Variants in MTF1 observed in about 807,000 individuals in gnomAD.
MTF1 encodes metal regulatory transcription factor 1, also known as MRE-binding transcription factor.
MTF1 carries 22 observed loss-of-function variants against 70.4 expected under a neutral mutation model. That is an observed-to-expected ratio of 0.31 (90% CI 0.22 to 0.45). MTF1 has a LOEUF of 0.45. Among genes scored for constraint, MTF1 ranks in the 20% least tolerant of loss-of-function variants. The probability of loss-of-function intolerance (pLI) is 1.00; values close to 1 mark genes in which losing one functional copy is unlikely to be tolerated. For synonymous variants in MTF1, 333 were observed against 352.8 expected, an observed-to-expected ratio of 0.94 and a Z score of 0.63; for missense variants, 649 against 922.0, an observed-to-expected ratio of 0.70 and a Z score of 3.83.
Position 37,822,245 on chromosome 1 carries a change from G to C in MTF1, c.1643C>G (p.Pro548Arg), listed in dbSNP as rs1429793686. Reference protein sequence around the residue: ...LGANSVLTNNPTITITPTPNT... With the variant: ...LGANSVLTNNRTITITPTPNT... ...GGGAGTTGGGGTGATGGTTATTGTGGGATTATTAGTTAGGACAGAGTTGGC... is the reference window on the plus strand; with the variant it reads ...GGGAGTTGGGGTGATGGTTATTGTGCGATTATTAGTTAGGACAGAGTTGGC... Residue 548 changes from proline to arginine, a missense_variant, in exon 9 of 11, where the codon CCC becomes CGC. Pro to Arg is a moderately radical substitution (Grantham distance 103). Coordinates refer to ENST00000373036, the MANE Select transcript of MTF1 (RefSeq NM_005955.3). 18 of 1,614,014 alleles carry C rather than the reference G, an allele frequency of 1.1e-5. No individual in the cohort carries two copies. Among genetic ancestry groups the C allele is most frequent in the Non-Finnish European group, 1.4e-5 (16 of 1,180,032 alleles).
chr1:37,855,007 C>T (rs554632996), intron 2 of MTF1, among the ~76,000 whole-genome samples: 3 of 152,084 alleles, frequency 2.0e-5, no homozygotes, highest in East Asian at 1.9e-4. Context: ...TGCAGTGAGC[C>T]GGGATCACGC....
At chr1:37,848,233 A>T (rs1641362577) in intron 2 of MTF1, among the ~76,000 whole-genome samples, 1 of 152,238 alleles carries the variant, frequency 6.6e-6, no homozygotes, top group Non-Finnish European at 1.5e-5. Context: ...AAGCAAATGA[A>T]CATCCAGCGA....
chr1:37,835,065 A>G lies in MTF1; in HGVS notation c.990+14T>C. 6.2e-7 allele frequency: 1 copy of G among 1,612,852 alleles called. No individual in the cohort carries two copies. Among genetic ancestry groups the G allele is most frequent in the Non-Finnish European group, 8.5e-7 (1 of 1,179,326 alleles). On this transcript the variant is annotated intron_variant, in intron 6 of 10. Coordinates refer to ENST00000373036, the MANE Select transcript of MTF1 (RefSeq NM_005955.3). Reference sequence around the variant, plus strand: ...TCTATGGTACCCAGATCAAGAGACAAAAACACTACACACCTCTGATCCATT... The same window carrying G: ...TCTATGGTACCCAGATCAAGAGACAGAAACACTACACACCTCTGATCCATT...
chr1:37,845,416 G>A (rs555971129), intron 2 of MTF1, among the ~76,000 whole-genome samples: 1 of 152,314 alleles, frequency 6.6e-6, no homozygotes, highest in East Asian at 1.9e-4. Flanking sequence ...CAGAAATTTG[G>A]CTGAGGAGAG....
intron 7 of MTF1, among the ~76,000 whole-genome samples, chr1:37,824,761 CATT>C (rs1318849856): frequency 1.3e-5 from 2 of 152,128 alleles, no homozygotes; most frequent in African/African-American, 4.8e-5. Flanking sequence ...GTAATAATAA[CATT>C]GTGAATATTT....
intron 1 of MTF1, among the ~76,000 whole-genome samples, chr1:37,858,286 G>C (rs1399105982): frequency 6.6e-6 from 1 of 152,178 alleles, no homozygotes; most frequent in Non-Finnish European, 1.5e-5. Context: ...AGGCTTTGGA[G>C]GCAGAGTCAT....
chr1:37,830,108 C>T (rs1205135782), intron 7 of MTF1, among the ~76,000 whole-genome samples: 3 of 152,092 alleles, frequency 2.0e-5, no homozygotes, highest in African/African-American at 4.8e-5. Flanking sequence ...CACAGTTACA[C>T]GTTAAAGGGA....
intron 3 of MTF1, among the ~76,000 whole-genome samples, chr1:37,839,386 G>A (rs1354479766): frequency 1.3e-5 from 2 of 152,064 alleles, no homozygotes; most frequent in Non-Finnish European, 1.5e-5. Context: ...CTAGCACTTG[G>A]AATCATGCCT....
In MTF1 at chr1:37,839,897, A is replaced by C. The variant is rs371445361; in HGVS notation, c.647+23T>G. ...AACAAGGTCAAGGTCAGAGGCTGGCAGAGCATTGGAGACGAGACTGACCTG... is the reference window on the plus strand; with the variant it reads ...AACAAGGTCAAGGTCAGAGGCTGGCCGAGCATTGGAGACGAGACTGACCTG... On this transcript the variant is annotated intron_variant, in intron 3 of 10. Transcript: ENST00000373036. 8 of 1,580,390 alleles carry C rather than the reference A, an allele frequency of 5.1e-6. No homozygotes were observed. In the African/African-American group the frequency reaches 6.7e-5, roughly 13 times the overall value.
chr1:37,847,832 C>CA (rs1641356875), intron 2 of MTF1, among the ~76,000 whole-genome samples: 1 of 151,788 alleles, frequency 6.6e-6, no homozygotes, highest in Non-Finnish European at 1.5e-5. Flanking sequence ...CGCGACTCTC[C>CA]AAAAAAATAA....
At chr1:37,843,788 C>A (rs939782789) in intron 2 of MTF1, among the ~76,000 whole-genome samples, 2 of 152,172 alleles carry the variant, frequency 1.3e-5, no homozygotes, top group African/African-American at 4.8e-5. Flanking sequence ...GGCCTGTAGG[C>A]CACAGTATGC....
chr1:37,821,969 C>G lies in MTF1; in HGVS notation c.1767+152G>C, dbSNP rs569213713. 7.7e-6 allele frequency: 5 copies of G among 653,250 alleles called. No individual in the cohort carries two copies. The East Asian group carries it at 1.4e-4, about 18-fold the overall frequency. The allele number at this position is 653,250 out of a possible 1,614,324, so 40.5% of individuals were successfully genotyped here. A position where few individuals can be genotyped will look rare whatever the true frequency, so the allele number is the denominator to read the frequency against. ...ACCACAGCATTTCCTACGTTTATACCACTTGATTATGTGGAAAATGACTAA... is the reference window on the plus strand; with the variant it reads ...ACCACAGCATTTCCTACGTTTATACGACTTGATTATGTGGAAAATGACTAA... On this transcript the variant is annotated intron_variant, in intron 9 of 10. Coordinates refer to ENST00000373036, the MANE Select transcript of MTF1 (RefSeq NM_005955.3).
chr1:37,842,155 C>G (rs988329885), intron 2 of MTF1, among the ~76,000 whole-genome samples: 1 of 152,016 alleles, frequency 6.6e-6, no homozygotes, highest in Non-Finnish European at 1.5e-5. Flanking sequence ...ATAGTCCCAG[C>G]ACTTAGGAGG....
At chr1:37,820,009 T>TGAAAA (rs976783007) in intron 9 of MTF1, among the ~76,000 whole-genome samples, 1 of 127,390 alleles carries the variant, frequency 7.8e-6, no homozygotes, top group Non-Finnish European at 1.7e-5. Flanking sequence ...CCTAAATATC[T>TGAAAA]GAAAAGAAAA....
chr1:37,855,941 AGAGT>A (rs1641486003), intron 2 of MTF1, among the ~76,000 whole-genome samples: 1 of 152,024 alleles, frequency 6.6e-6, no homozygotes, highest in Admixed American at 6.6e-5. Flanking sequence ...TTAGGCAACA[AGAGT>A]GAAACTCCAT....
intron 8 of MTF1, 28 bp downstream of exon 8, chr1:37,823,682 G>A: frequency 1.3e-6 from 2 of 1,529,680 alleles, no homozygotes; most frequent in Non-Finnish European, 1.8e-6. Context: ...GTGCTTAGAT[G>A]TGAGTAGAAA....
intron 2 of MTF1, among the ~76,000 whole-genome samples, chr1:37,849,380 C>T (rs915136712): frequency 2.0e-5 from 3 of 151,586 alleles, no homozygotes; most frequent in African/African-American, 4.9e-5. Flanking sequence ...GAGCCAAGAT[C>T]GTGCCACTGT....
rs180972135 is a variant in MTF1 at position 37,819,263 on chromosome 1, C to T, written c.1768-1781G>A. 4.6e-5 allele frequency among the ~76,000 whole-genome samples: 7 copies of T among 152,270 alleles called. No homozygotes were observed. The East Asian group carries it at 9.7e-4, about 21-fold the overall frequency. Reference sequence around the variant, plus strand: ...AATAACCAAAAACCTCTTCAAAGGCCTCTGTGAGGATGAAATGAGATGATG... The same window carrying T: ...AATAACCAAAAACCTCTTCAAAGGCTTCTGTGAGGATGAAATGAGATGATG... On this transcript the variant is annotated intron_variant, in intron 9 of 10. Coordinates refer to ENST00000373036, the MANE Select transcript of MTF1 (RefSeq NM_005955.3).
In MTF1 at chr1:37,840,386, T is replaced by C; in HGVS notation, c.409-228A>G. On this transcript the variant is annotated intron_variant, in intron 2 of 10. Coordinates refer to ENST00000373036, the MANE Select transcript of MTF1 (RefSeq NM_005955.3). This position sits in a 1 kb window ranked among gnomAD's most constrained non-coding sequence, Gnocchi z 4.5. Reference sequence around the variant, plus strand: ...GGGAAGAAATAAGTCTATATGTAGATGAATATTCTAAATGAACATAAGAAT... The same window carrying C: ...GGGAAGAAATAAGTCTATATGTAGACGAATATTCTAAATGAACATAAGAAT... 1.7e-6 allele frequency: 1 copy of C among 591,544 alleles called. No individual in the cohort carries two copies. Among genetic ancestry groups the C allele is most frequent in the South Asian group, 1.7e-5 (1 of 57,606 alleles). 36.6% of individuals were successfully genotyped at this position (591,544 alleles called of 1,614,324 possible).
Sources: gnomAD v4.1 joint callset for allele counts (sites outside exome capture counted in the v4.1 genomes callset) on GRCh38, gnomAD v4.1.1 for gene constraint, Gnocchi (gnomAD v3.1) non-coding constraint, MANE v1.5 for transcripts, NCBI Gene and HGNC (gene_info 2026-07-23, HGNC 2026-07-21) for gene names.